GOLIM4: variants seen among roughly 807,000 people sequenced by gnomAD.
GOLIM4 encodes 130 kDa golgi-localized phosphoprotein.
In GOLIM4, 71 loss-of-function variants were observed where a neutral mutation model predicts 107.4. The ratio of observed to expected loss-of-function variants is 0.66; its 90% CI spans 0.55 to 0.81. GOLIM4 has a LOEUF of 0.81. Ranked by LOEUF, GOLIM4 falls within the 30% of genes least tolerant of loss-of-function variation. GOLIM4 has a pLI of 0.00. For synonymous variants in GOLIM4, 327 were observed against 294.8 expected, an observed-to-expected ratio of 1.11 and a Z score of -1.12; for missense variants, 830 against 826.1, an observed-to-expected ratio of 1.00 and a Z score of -0.06.
intron 12 of GOLIM4, 76 bp downstream of exon 12, chr3:168,027,652 G>A (rs1718068873): frequency 1.1e-5 from 9 of 843,138 alleles, no homozygotes; most frequent in Non-Finnish European, 1.8e-5. Context: ...CTGAAGGCTG[G>A]CATCAGGCAA....
rs975717328 is a variant in GOLIM4, at chr3:168,011,281, C to T, written c.1861-458G>A. Among the ~76,000 whole-genome samples, 10 of 152,160 alleles carry T rather than the reference C, an allele frequency of 6.6e-5. No individual in the cohort carries two copies. In the East Asian group the frequency reaches 7.7e-4, roughly 12 times the overall value. ...CTTTCCGAGTCAAAGAAAGGGGTGA[C>T]GGACGGCACCTGGAAAATCGCGTCA... On this transcript the variant is annotated intron_variant, in intron 14 of 15. Coordinates refer to ENST00000470487, the MANE Select transcript of GOLIM4 (RefSeq NM_014498.5).
rs1284139434 is a variant in GOLIM4 at position 168,029,872 on chromosome 3, C to T, written c.1341G>A (p.Gln447=). ...QRLQGHLLRQ[Q]EQQQQQVARE... ...TTGCCACCTGCTGCTGCTGCTGTTC[C>T]TGCTGCCGTAGTAAGTGCCCCTGCA... Residue 447 remains glutamine (Q), a synonymous_variant, in exon 10 of 16, where the codon CAG becomes CAA. Coordinates refer to ENST00000470487, the MANE Select transcript of GOLIM4 (RefSeq NM_014498.5). The T allele has an allele frequency of 1.2e-6, 2 of 1,614,116 alleles. No homozygotes were observed. Among genetic ancestry groups the T allele is most frequent in the South Asian group, 1.1e-5 (1 of 91,082 alleles).
intron 1 of GOLIM4, among the ~76,000 whole-genome samples, chr3:168,068,841 T>TA (rs1291814690): frequency 8.8e-4 from 128 of 145,532 alleles, no homozygotes; most frequent in South Asian, 2.3e-3. Flanking sequence ...TATTTTATTT[T>TA]TTTTTTTTTT....
intron 1 of GOLIM4, among the ~76,000 whole-genome samples, chr3:168,090,806 G>A (rs1721867109): frequency 6.6e-6 from 1 of 152,074 alleles, no homozygotes. Flanking sequence ...AAGAAAATGT[G>A]GTATATATAC....
chr3:168,036,175 C>T (rs1394947267), intron 8 of GOLIM4, among the ~76,000 whole-genome samples: 1 of 152,212 alleles, frequency 6.6e-6, no homozygotes, highest in Non-Finnish European at 1.5e-5. Flanking sequence ...TTGAAAAACT[C>T]AGATACTACA....
intron 7 of GOLIM4, among the ~76,000 whole-genome samples, chr3:168,037,386 T>C (rs1718718037): frequency 6.6e-6 from 1 of 152,162 alleles, no homozygotes; most frequent in Admixed American, 6.5e-5. Context: ...CTTTTACCAA[T>C]ATGATCTGAA....
intron 11 of GOLIM4, 54 bp from the exon 12 acceptor site, chr3:168,027,891 C>T (rs368944710): frequency 8.6e-7 from 1 of 1,168,360 alleles, no homozygotes; most frequent in Non-Finnish European, 1.3e-6. Context: ...CAGGATTTCC[C>T]TTTCAACTCA....
At chr3:168,037,584 T>C (rs1026431223) in intron 7 of GOLIM4, among the ~76,000 whole-genome samples, 3 of 152,188 alleles carry the variant, frequency 2.0e-5, no homozygotes, top group Non-Finnish European at 2.9e-5. Context: ...CTGTGGTTTC[T>C]GGAAAACAGT....
chr3:168,024,714 C>A, intron 13 of GOLIM4, 120 bp from the exon 14 acceptor site: 1 of 900,922 alleles, frequency 1.1e-6, no homozygotes, highest in Non-Finnish European at 1.8e-6. Flanking sequence ...GCGTCTGTGG[C>A]CAGGAAATGA....
At chr3:168,068,831 T>C (rs1720684398) in intron 1 of GOLIM4, among the ~76,000 whole-genome samples, 1 of 150,154 alleles carries the variant, frequency 6.7e-6, no homozygotes, top group Admixed American at 6.6e-5. Flanking sequence ...TATTTTATTT[T>C]ATTTTATTTT....
intron 1 of GOLIM4, among the ~76,000 whole-genome samples, chr3:168,070,877 C>T (rs944778066): frequency 2.1e-4 from 32 of 152,258 alleles, no homozygotes; most frequent in Non-Finnish European, 3.8e-4. Flanking sequence ...ACTTCTATAC[C>T]TTTAATAATA....
At chr3:168,079,663 C>A (rs1419392171) in intron 1 of GOLIM4, among the ~76,000 whole-genome samples, 1 of 151,960 alleles carries the variant, frequency 6.6e-6, no homozygotes, top group Non-Finnish European at 1.5e-5. Context: ...GGGTTTTAAT[C>A]TTTTTATCTT....
intron 11 of GOLIM4, among the ~76,000 whole-genome samples, chr3:168,028,127 T>C (rs1718110721): frequency 6.6e-6 from 1 of 152,130 alleles, no homozygotes; most frequent in Non-Finnish European, 1.5e-5. Flanking sequence ...ATCAAAACTC[T>C]CTCAATAAAA....
chr3:168,091,312 GCT>G (rs1195234236), intron 1 of GOLIM4, among the ~76,000 whole-genome samples: 1 of 152,154 alleles, frequency 6.6e-6, no homozygotes, highest in Middle Eastern at 3.4e-3. Flanking sequence ...GGAATGTCAG[GCT>G]CTTTGCCTCT....
intron 1 of GOLIM4, among the ~76,000 whole-genome samples, chr3:168,077,420 C>A (rs532295789): frequency 1.6e-4 from 25 of 152,266 alleles, no homozygotes; most frequent in Admixed American, 1.3e-3. Context: ...ATCCTTTCAG[C>A]CCAGGTTGTA....
At chr3:168,014,550 A>G (rs1230000252) in intron 14 of GOLIM4, among the ~76,000 whole-genome samples, 2 of 129,876 alleles carry the variant, frequency 1.5e-5, no homozygotes, top group East Asian at 4.0e-4. Flanking sequence ...TGAGGCCAGC[A>G]TCATTCTGAT....
At chr3:168,094,278 T>C (rs1722048040) in intron 1 of GOLIM4, among the ~76,000 whole-genome samples, 1 of 152,240 alleles carries the variant, frequency 6.6e-6, no homozygotes, top group African/African-American at 2.4e-5. Flanking sequence ...GGATAGAAAC[T>C]TTAAGTTCTT....
chr3:168,014,149 T>C (rs1486746223), intron 14 of GOLIM4, among the ~76,000 whole-genome samples: 1 of 148,956 alleles, frequency 6.7e-6, no homozygotes, highest in Non-Finnish European at 1.5e-5. Flanking sequence ...CTAGCAAGAC[T>C]AATAAAGAAA....
At chr3:168,093,365 G>A (rs1322240982) in intron 1 of GOLIM4, among the ~76,000 whole-genome samples, 1 of 152,192 alleles carries the variant, frequency 6.6e-6, no homozygotes, top group Non-Finnish European at 1.5e-5. Context: ...TTTGTTGTTT[G>A]AATAAACATG....
Sources: allele counts gnomAD v4.1 joint callset (sites outside exome capture counted in the v4.1 genomes callset), GRCh38; gene constraint gnomAD v4.1.1; transcripts MANE v1.5; gene names NCBI Gene and HGNC (gene_info 2026-07-23, HGNC 2026-07-21).